TMCC1: variants seen among roughly 807,000 people sequenced by gnomAD.
The protein encoded by TMCC1 is transmembrane and coiled-coil domain family 1.
In TMCC1, 15 loss-of-function variants were observed where a neutral mutation model predicts 52.4. That is an observed-to-expected ratio of 0.29 (90% CI 0.19 to 0.44). The LOEUF (loss-of-function observed/expected upper bound fraction) is 0.44, where lower values mean the gene tolerates loss of function less well. Ranked by LOEUF, TMCC1 falls within the 20% of genes least tolerant of loss-of-function variation. The pLI is 1.00. For synonymous variants in TMCC1, 279 were observed against 301.9 expected, an observed-to-expected ratio of 0.92 and a Z score of 0.79; for missense variants, 503 against 806.0, an observed-to-expected ratio of 0.62 and a Z score of 4.55.
chr3:129,772,535 G>A (rs2054674201), intron 4 of TMCC1, among the ~76,000 whole-genome samples: 1 of 151,226 alleles, frequency 6.6e-6, no homozygotes, highest in Non-Finnish European at 1.5e-5. Flanking sequence ...CTAACACGGT[G>A]AAACCCCGTC....
At chr3:129,693,947 C>T (rs1560204649) in intron 4 of TMCC1, among the ~76,000 whole-genome samples, 1 of 152,160 alleles carries the variant, frequency 6.6e-6, no homozygotes, top group African/African-American at 2.4e-5. Flanking sequence ...GAGAACATCA[C>T]ATTTGAGAAT....
At chr3:129,868,746 T>C (rs984833267) in intron 2 of TMCC1, among the ~76,000 whole-genome samples, 3 of 152,180 alleles carry the variant, frequency 2.0e-5, no homozygotes, top group African/African-American at 7.2e-5. Flanking sequence ...AGCCTAGCTG[T>C]TTCAATGGAA....
At chr3:129,750,226 TGTTGCCCAGG>T (rs1225930801) in intron 4 of TMCC1, among the ~76,000 whole-genome samples, 2 of 152,184 alleles carry the variant, frequency 1.3e-5, no homozygotes, top group African/African-American at 4.8e-5. Flanking sequence ...GTTTTGCTCT[TGTTGCCCAGG>T]CTGGAGTGCA....
In TMCC1 at chr3:129,671,159, G is replaced by C; in HGVS notation, c.682C>G (p.Gln228Glu). ...TGAGCAATGGCAGCCTTTGTGCGCT[G>C]AGGGTCTGGTGTTCCATCCACAGAG... ...TDSVDGTPDP[Q>E]RTKAAIAHLQ... The change falls in exon 5 of 7, where the codon CAG (glutamine) becomes GAG (glutamate). Residue 228 changes from glutamine to glutamate, a missense_variant. Coordinates refer to ENST00000393238, the MANE Select transcript of TMCC1 (RefSeq NM_001017395.5). 2 of 1,614,216 alleles carry C rather than the reference G, an allele frequency of 1.2e-6. No individual in the cohort carries two copies. Among genetic ancestry groups the C allele is most frequent in the Non-Finnish European group, 1.7e-6 (2 of 1,180,054 alleles).
At chr3:129,752,994 A>G (rs1420234192) in intron 4 of TMCC1, among the ~76,000 whole-genome samples, 6 of 152,100 alleles carry the variant, frequency 3.9e-5, no homozygotes, top group South Asian at 2.1e-4. Flanking sequence ...CTTTGAAACA[A>G]CTGGATCTCA....
intron 4 of TMCC1, among the ~76,000 whole-genome samples, chr3:129,774,488 C>A (rs2054865806): frequency 6.6e-6 from 1 of 152,128 alleles, no homozygotes; most frequent in Admixed American, 6.6e-5. Flanking sequence ...AAGATACTGT[C>A]CCTGCCCTCA....
chr3:129,792,919 A>G (rs1241552542), intron 4 of TMCC1, among the ~76,000 whole-genome samples: 1 of 152,182 alleles, frequency 6.6e-6, no homozygotes, highest in African/African-American at 2.4e-5. Flanking sequence ...AAGAGGGTAA[A>G]GTTTAAAAAA....
At chr3:129,784,663 A>G (rs182247128) in intron 4 of TMCC1, among the ~76,000 whole-genome samples, 1 of 150,640 alleles carries the variant, frequency 6.6e-6, no homozygotes, top group East Asian at 2.0e-4. Flanking sequence ...TGGTTTCGCT[A>G]TTTCATAATA....
chr3:129,691,834 G>C (rs1315877061), intron 4 of TMCC1, among the ~76,000 whole-genome samples: 1 of 152,160 alleles, frequency 6.6e-6, no homozygotes, highest in African/African-American at 2.4e-5. Context: ...TACCTTTAGA[G>C]AGTATTAATA....
At chr3:129,824,356 A>C (rs763673911) in intron 4 of TMCC1, among the ~76,000 whole-genome samples, 5 of 152,038 alleles carry the variant, frequency 3.3e-5, no homozygotes, top group South Asian at 2.1e-4. Context: ...AACCAACCAA[A>C]CAAACAGAAA....
chr3:129,780,531 C>T (rs1344239095), intron 4 of TMCC1, among the ~76,000 whole-genome samples: 1 of 151,964 alleles, frequency 6.6e-6, no homozygotes, highest in Non-Finnish European at 1.5e-5. Flanking sequence ...CTTCCAAATA[C>T]AAAATCTTTT....
At chr3:129,705,647 C>T (rs1329276686) in intron 4 of TMCC1, among the ~76,000 whole-genome samples, 2 of 151,010 alleles carry the variant, frequency 1.3e-5, no homozygotes, top group Non-Finnish European at 2.9e-5. Flanking sequence ...GCTCCGTCAC[C>T]CAGGCTGTGC....
At chr3:129,891,881 ATATTCTACTATC>A (rs2061979929) in intron 1 of TMCC1, among the ~76,000 whole-genome samples, 1 of 152,234 alleles carries the variant, frequency 6.6e-6, no homozygotes, top group South Asian at 2.1e-4. Context: ...AAAAGGGGAA[ATATTCTACTATC>A]AAGAAGGCCC....
At chr3:129,764,392 T>C (rs930045705) in intron 4 of TMCC1, among the ~76,000 whole-genome samples, 3 of 152,214 alleles carry the variant, frequency 2.0e-5, no homozygotes, top group Non-Finnish European at 4.4e-5. Flanking sequence ...TAGCCATTCA[T>C]TGATAGTCCA....
At chr3:129,840,461 C>T (rs2059374949) in intron 2 of TMCC1, among the ~76,000 whole-genome samples, 1 of 151,876 alleles carries the variant, frequency 6.6e-6, no homozygotes, top group South Asian at 2.1e-4. Flanking sequence ...CAAAAGAAAG[C>T]TACTGTAGCC....
At chr3:129,841,241 G>A (rs1227674097) in intron 2 of TMCC1, among the ~76,000 whole-genome samples, 2 of 152,222 alleles carry the variant, frequency 1.3e-5, no homozygotes, top group African/African-American at 4.8e-5. Context: ...GTATCTGGCA[G>A]GAGAAATTTC....
intron 4 of TMCC1, among the ~76,000 whole-genome samples, chr3:129,818,705 C>T (rs2058255915): frequency 6.6e-6 from 1 of 151,868 alleles, no homozygotes; most frequent in Non-Finnish European, 1.5e-5. Flanking sequence ...ACAAATTGAG[C>T]ACTGATTTAA....
intron 4 of TMCC1, among the ~76,000 whole-genome samples, chr3:129,694,840 A>C (rs1044874554): frequency 2.0e-5 from 3 of 152,094 alleles, no homozygotes; most frequent in Non-Finnish European, 4.4e-5. Flanking sequence ...TTACTTTCCT[A>C]ATAAACTTGT....
rs192187103 is a variant in TMCC1, at chr3:129,760,687, C to T, written c.576+67116G>A. ...AGAGACGGGGTTTCACCGTGTTAGC[C>T]AGGATGGTCTCGATCTCCTGACCTT... On this transcript the variant is annotated intron_variant, in intron 4 of 6. Coordinates refer to ENST00000393238, the MANE Select transcript of TMCC1 (RefSeq NM_001017395.5). Among the ~76,000 whole-genome samples, 34 of 152,000 alleles carry T rather than the reference C, an allele frequency of 2.2e-4. No homozygotes were observed. In the East Asian group the frequency reaches 6.7e-3, roughly 30 times the overall value.
Sources: allele counts gnomAD v4.1 joint callset (sites outside exome capture counted in the v4.1 genomes callset), GRCh38; gene constraint gnomAD v4.1.1; transcripts MANE v1.5; gene names NCBI Gene and HGNC (gene_info 2026-07-23, HGNC 2026-07-21).